The following TNS4 variants were observed in gnomAD, a reference collection of about 807,000 sequenced individuals.
TNS4 encodes tensin-4.
TNS4 carries 46 observed loss-of-function variants against 70.4 expected under a neutral mutation model. The observed-to-expected ratio is 0.65, with a 90% CI of 0.52 to 0.84. TNS4 has a LOEUF of 0.84. TNS4 is among the 40% of genes least tolerant of loss of function. The pLI, the probability that TNS4 is intolerant of heterozygous loss-of-function variation, is 0.00. For synonymous variants in TNS4, 390 were observed against 366.6 expected (o/e 1.06, Z -0.73); for missense variants, 863 against 907.0 (o/e 0.95, Z 0.62).
chr17:40,478,456 G>C, intron 11 of TNS4, 123 bp from the exon 12 acceptor site: 1 of 1,492,762 alleles, frequency 6.7e-7, no homozygotes, highest in African/African-American at 1.4e-5. Flanking sequence ...CCCTCATTCT[G>C]TCACCCTGAC....
chr17:40,488,888 G>A lies in TNS4; in HGVS notation c.521C>T (p.Pro174Leu), dbSNP rs557686314. Residue 174 changes from proline (P) to leucine (L), a missense_variant, in exon 3 of 13, where the codon CCG becomes CTG. Pro to Leu is a moderately conservative substitution (Grantham distance 98). Coordinates refer to ENST00000254051, the MANE Select transcript of TNS4 (RefSeq NM_032865.6). ...PQHCSSPSVT[P>L]PFGSLRSGGL... ...ACCACTGCGAAGGGAGCCGAAGGGC[G>A]GGGTGACAGAGGGGCTGGAGCAGTG... The A allele has an allele frequency of 1.4e-5, 22 of 1,613,336 alleles. No homozygotes were observed. The Admixed American group carries it at 2.2e-4, about 16-fold the overall frequency.
rs924075612 is a variant in TNS4, at chr17:40,489,065, CT to C, written c.440-97del. On this transcript the variant is annotated intron_variant, in intron 2 of 12. Coordinates refer to ENST00000254051, the MANE Select transcript of TNS4 (RefSeq NM_032865.6). The stretch of plus-strand genomic sequence containing the variant: ...TATCCTCAAGGTCATTCTGTCCCCC[CT>C]CTTTTATAGAGACGAGGACACTGAG... The C allele has an allele frequency of 1.1e-5, 14 of 1,242,860 alleles. 1 individual carries two copies. Among genetic ancestry groups the C allele is most frequent in the Non-Finnish European group, 1.3e-5 (12 of 917,140 alleles). The allele number at this position is 1,242,860 out of a possible 1,614,324, so 77.0% of individuals were successfully genotyped here.
chr17:40,477,468 C>A lies in TNS4; in HGVS notation c.*120G>T, dbSNP rs1208792290. The A allele has an allele frequency of 7.3e-6, 10 of 1,360,746 alleles. No homozygotes were observed. Among genetic ancestry groups the A allele is most frequent in the Middle Eastern group, 4.0e-4 (2 of 4,956 alleles). The allele number at this position is 1,360,746 out of a possible 1,614,324, so 84.3% of individuals were successfully genotyped here. A position where few individuals can be genotyped will look rare whatever the true frequency, so the allele number is the denominator to read the frequency against. ...CAAGGGTGTCAACTTGATGCCAATC[C>A]CCCTAGTCCCATAGATTGGTCTGTC... On this transcript the variant is annotated 3_prime_UTR_variant, in exon 13 of 13. Transcript: ENST00000254051.
chr17:40,482,647 A>C (rs1042477784), intron 6 of TNS4, among the ~76,000 whole-genome samples: 3 of 151,726 alleles, frequency 2.0e-5, no homozygotes, highest in Admixed American at 1.3e-4. Flanking sequence ...GGCGTGGTTC[A>C]CATGCCTGTA....
At chr17:40,495,758 A>G (rs2036134494) in intron 2 of TNS4, among the ~76,000 whole-genome samples, 1 of 152,178 alleles carries the variant, frequency 6.6e-6, no homozygotes, top group South Asian at 2.1e-4. Flanking sequence ...ATAGAAAATC[A>G]GTATCTATCA....
chr17:40,486,549 T>TA (rs2035991512), intron 4 of TNS4, among the ~76,000 whole-genome samples: 1 of 149,368 alleles, frequency 6.7e-6, no homozygotes, highest in South Asian at 2.1e-4. Context: ...TTTTTTTTTT[T>TA]AGCTTGGCAT....
rs370585382 is a variant in TNS4 at position 40,487,889 on chromosome 17, G to A, written c.864-429C>T. Among the ~76,000 whole-genome samples, 3 of 152,272 alleles carry A rather than the reference G, an allele frequency of 2.0e-5. No individual in the cohort carries two copies. In the East Asian group the frequency reaches 5.8e-4, roughly 29 times the overall value. On this transcript the variant is annotated intron_variant, in intron 3 of 12. Transcript: ENST00000254051. The stretch of plus-strand genomic sequence containing the variant: ...AGGGAACTCCCCAGCTGCAGGAGAA[G>A]GCCAGCTTCACATCCAGCCAGACTT...
chr17:40,484,839 C>T, intron 5 of TNS4, 82 bp downstream of exon 5: 2 of 1,534,388 alleles, frequency 1.3e-6, no homozygotes, highest in South Asian at 1.1e-5. Context: ...ATTTGCCATT[C>T]CTTAACTGTA....
chr17:40,478,332 A>T lies in TNS4; in HGVS notation c.1981T>A (p.Trp661Arg), dbSNP rs750175359. Residue 661 changes from tryptophan to arginine, a missense_variant and splice_region_variant, in exon 12 of 13, where the codon TGG becomes AGG. Transcript: ENST00000254051. The part of the protein sequence containing the change: ...FCGMDPEQRK[W>R]QKYCKPSWIF... ...CAGGAGGGTTTGCAGTACTTCTGCCACCTGTAGGAAAAGAACATGATACCG... is the reference window on the plus strand; with the variant it reads ...CAGGAGGGTTTGCAGTACTTCTGCCTCCTGTAGGAAAAGAACATGATACCG... 1.1e-5 allele frequency: 17 copies of T among 1,609,606 alleles called. No homozygotes were observed. The African/African-American group carries it at 2.0e-4, about 19-fold the overall frequency.
intron 2 of TNS4, among the ~76,000 whole-genome samples, chr17:40,491,979 TAAAG>T (rs913073218): frequency 2.6e-5 from 4 of 151,876 alleles, no homozygotes; most frequent in Admixed American, 6.6e-5. Context: ...TTGGAGAGGA[TAAAG>T]AAAGGGATAT....
rs567214636 is a variant in TNS4, at chr17:40,477,832, C to T, written c.2007-103G>A. On this transcript the variant is annotated intron_variant, in intron 12 of 12. Transcript: ENST00000254051. ...CCCTCAGCCTGCATCTCATTCCTCC[C>T]TGCCCCTCCCTTAGCCAATTGACTC... 2.1e-5 allele frequency: 23 copies of T among 1,111,532 alleles called. No individual in the cohort carries two copies. The Admixed American group carries it at 2.6e-4, about 13-fold the overall frequency. The allele number at this position is 1,111,532 out of a possible 1,614,324, so 68.9% of individuals were successfully genotyped here.
intron 8 of TNS4, among the ~76,000 whole-genome samples, chr17:40,481,174 C>T (rs796441847): frequency 9.2e-5 from 14 of 152,284 alleles, no homozygotes; most frequent in African/African-American, 3.4e-4. Context: ...CCTTCTCGAG[C>T]TTCTCCTGCA....
intron 1 of TNS4, among the ~76,000 whole-genome samples, chr17:40,500,387 TC>T (rs2036196385): frequency 6.6e-6 from 1 of 152,108 alleles, no homozygotes; most frequent in Non-Finnish European, 1.5e-5. Context: ...GCTGCCCCCT[TC>T]GCGGCCCCGC....
At chr17:40,492,597 T>G (rs1018116773) in intron 2 of TNS4, among the ~76,000 whole-genome samples, 1 of 98,022 alleles carries the variant, frequency 1.0e-5, no homozygotes, top group African/African-American at 5.2e-5. Flanking sequence ...ATGGACTAGT[T>G]TTTTTTTTTT....
Position 40,477,709 on chromosome 17 carries a change from T to C in TNS4, c.2027A>G (p.Lys676Arg). Residue 676 changes from lysine to arginine, a missense_variant, in exon 13 of 13, where the codon AAG becomes AGG. Physicochemically the swap from Lys to Arg is conservative, Grantham distance 26 (BLOSUM62 2). Transcript: ENST00000254051. Reference sequence around the variant, plus strand: ...GTTCTCCTGAGGCTCTGTCTGGCTCTTGGCCACAAACCCAAAGATCCTGGT... The same window carrying C: ...GTTCTCCTGAGGCTCTGTCTGGCTCCTGGCCACAAACCCAAAGATCCTGGT... ...KPSWIFGFVA[K>R]SQTEPQENVC... The C allele has an allele frequency of 6.2e-7, 1 of 1,613,906 alleles. No individual in the cohort carries two copies. The highest frequency in any genetic ancestry group is 8.5e-7 in the Non-Finnish European group (1 of 1,179,950).
rs755637201 is a variant in TNS4, at chr17:40,485,040, G to A, written c.1289-33C>T. The A allele has an allele frequency of 6.9e-6, 11 of 1,592,794 alleles. No homozygotes were observed. In the African/African-American group the frequency reaches 1.3e-4, roughly 19 times the overall value. On this transcript the variant is annotated intron_variant, in intron 4 of 12. Transcript: ENST00000254051. ...CAGACAGAGAAGGGGGACCCTGTAG[G>A]CTGGACAGACGGGAGCTGAGGGATG... is the stretch of plus-strand genomic sequence containing the variant.
At chr17:40,483,400 C>G (rs1031135987) in intron 6 of TNS4, among the ~76,000 whole-genome samples, 39 of 152,186 alleles carry the variant, frequency 2.6e-4, no homozygotes, top group African/African-American at 9.4e-4. Flanking sequence ...AGGGTTTTGC[C>G]ATATTGCTCA....
At chr17:40,496,796 G>A (rs2036151468) in intron 1 of TNS4, among the ~76,000 whole-genome samples, 1 of 152,152 alleles carries the variant, frequency 6.6e-6, no homozygotes, top group Non-Finnish European at 1.5e-5. Context: ...TTATGTAAGT[G>A]ATCATTAAAT....
At chr17:40,483,749 C>T (rs1300741680) in intron 6 of TNS4, among the ~76,000 whole-genome samples, 1 of 152,216 alleles carries the variant, frequency 6.6e-6, no homozygotes, top group African/African-American at 2.4e-5. Context: ...GTGAGGCATA[C>T]TGTCAAGAAC....
Sources: gnomAD v4.1 joint callset for allele counts (sites outside exome capture counted in the v4.1 genomes callset) on GRCh38, gnomAD v4.1.1 for gene constraint, MANE v1.5 for transcripts, NCBI Gene and HGNC (gene_info 2026-07-23, HGNC 2026-07-21) for gene names.